Variants in SULF2 observed in about 807,000 individuals in gnomAD.
SULF2 encodes sulfatase 2.
In SULF2, 52 loss-of-function variants were observed where a neutral mutation model predicts 107.7. That is an observed-to-expected ratio of 0.48 (90% CI 0.39 to 0.61). SULF2 has a LOEUF of 0.61. Among genes scored for constraint, SULF2 ranks in the 20% least tolerant of loss-of-function variants. The pLI is 0.00. For missense variants in SULF2, 993 were observed against 1,177.3 expected, an observed-to-expected ratio of 0.84 and a Z score of 2.29; for synonymous variants, 460 against 464.3, an observed-to-expected ratio of 0.99 and a Z score of 0.12.
At chr20:47,705,321 G>A (rs945936345) in intron 3 of SULF2, among the ~76,000 whole-genome samples, 1 of 152,204 alleles carries the variant, frequency 6.6e-6, no homozygotes, top group Non-Finnish European at 1.5e-5. Context: ...AGAACCTGGC[G>A]TTCTGCAGAG....
At chr20:47,753,098 C>CAAAAAAAAA (rs10578438) in intron 2 of SULF2, among the ~76,000 whole-genome samples, 8 of 90,628 alleles carry the variant, frequency 8.8e-5, no homozygotes, top group Non-Finnish European at 1.3e-4. Flanking sequence ...GAGACTCTCT[C>CAAAAAAAAA]AAAAAAAAAA....
At chr20:47,700,781 G>A (rs2088539538) in intron 4 of SULF2, among the ~76,000 whole-genome samples, 1 of 151,986 alleles carries the variant, frequency 6.6e-6, no homozygotes, top group Non-Finnish European at 1.5e-5. Flanking sequence ...GAGTAACTGG[G>A]ATTACAGGCG....
intron 5 of SULF2, 41 bp downstream of exon 5, chr20:47,690,085 T>C (rs1178020299): frequency 7.3e-7 from 1 of 1,374,864 alleles, no homozygotes. Context: ...TCCCCCTTCA[T>C]GCTAAGCAGT....
intron 3 of SULF2, among the ~76,000 whole-genome samples, chr20:47,703,303 C>G (rs1412302973): frequency 2.0e-5 from 3 of 152,190 alleles, no homozygotes; most frequent in Non-Finnish European, 4.4e-5. Context: ...ATATTAAATA[C>G]TGGTGATTTC....
intron 1 of SULF2, among the ~76,000 whole-genome samples, chr20:47,780,255 G>A (rs1441951863): frequency 6.6e-6 from 1 of 152,110 alleles, no homozygotes; most frequent in African/African-American, 2.4e-5. Flanking sequence ...GACCTCCAGT[G>A]ATCTAACTGC....
At chr20:47,763,866 T>A (rs1207613253) in intron 1 of SULF2, among the ~76,000 whole-genome samples, 1 of 152,202 alleles carries the variant, frequency 6.6e-6, no homozygotes, top group Non-Finnish European at 1.5e-5. Flanking sequence ...AGGGCCTGCC[T>A]TCCTCCACTG....
intron 2 of SULF2, among the ~76,000 whole-genome samples, chr20:47,746,817 A>G (rs1254748374): frequency 1.3e-5 from 2 of 149,980 alleles, no homozygotes; most frequent in Admixed American, 1.3e-4. Flanking sequence ...GGGGAACATC[A>G]CACACTGGGG....
intron 1 of SULF2, among the ~76,000 whole-genome samples, chr20:47,765,187 T>TA (rs375531395): frequency 1.3e-4 from 20 of 151,280 alleles, no homozygotes; most frequent in Middle Eastern, 6.8e-3. Flanking sequence ...CCGTCTCTAC[T>TA]AAAAAAAATA....
chr20:47,705,993 T>G (rs2088724854), intron 3 of SULF2, among the ~76,000 whole-genome samples: 1 of 151,952 alleles, frequency 6.6e-6, no homozygotes, highest in African/African-American at 2.4e-5. Flanking sequence ...GAGATGAGGT[T>G]TCATCATGTT....
chr20:47,663,724 C>T, intron 15 of SULF2, 102 bp from the exon 16 acceptor site: 4 of 1,320,166 alleles, frequency 3.0e-6, no homozygotes, highest in Non-Finnish European at 3.1e-6. Flanking sequence ...GAGGCTTCTC[C>T]AACAGAGAGC....
intron 10 of SULF2, among the ~76,000 whole-genome samples, chr20:47,674,597 G>T (rs2087580297): frequency 6.6e-6 from 1 of 152,228 alleles, no homozygotes; most frequent in Non-Finnish European, 1.5e-5. Context: ...GCCGGGCCCT[G>T]CCCTTAGGAT....
intron 18 of SULF2, among the ~76,000 whole-genome samples, chr20:47,660,484 G>C (rs1045353584): frequency 6.6e-6 from 1 of 152,100 alleles, no homozygotes; most frequent in Non-Finnish European, 1.5e-5. Context: ...ATGAACTCTA[G>C]GCATCCTCCT....
chr20:47,687,434 C>T (rs2088046399), intron 5 of SULF2, among the ~76,000 whole-genome samples: 1 of 152,236 alleles, frequency 6.6e-6, no homozygotes, highest in African/African-American at 2.4e-5. Context: ...AAGACCATCC[C>T]CCTTCCCTTC....
Position 47,657,984 on chromosome 20 carries a change from T to C in SULF2, c.*378A>G, listed in dbSNP as rs184069015. The C allele has an allele frequency of 5.8e-4, 158 of 272,710 alleles. 1 individual carries two copies. Among genetic ancestry groups the C allele is most frequent in the Admixed American group, 5.0e-3 (104 of 21,004 alleles). 16.9% of individuals were successfully genotyped at this position (272,710 alleles called of 1,614,324 possible). A position where few individuals can be genotyped will look rare whatever the true frequency, so the allele number is the denominator to read the frequency against. Reference sequence around the variant, plus strand: ...ATTTAGAACAGGACTGCTTTTCCCCTATGATTTAAAAATTCCAATGACTTT... The same window carrying C: ...ATTTAGAACAGGACTGCTTTTCCCCCATGATTTAAAAATTCCAATGACTTT... On this transcript the variant is annotated 3_prime_UTR_variant, in exon 21 of 21. Coordinates refer to ENST00000688720, the MANE Select transcript of SULF2 (RefSeq NM_001387048.1).
intron 3 of SULF2, among the ~76,000 whole-genome samples, chr20:47,724,407 G>C (rs2089381266): frequency 6.6e-6 from 1 of 152,194 alleles, no homozygotes; most frequent in Non-Finnish European, 1.5e-5. Flanking sequence ...CTGGGCTGCG[G>C]GGGACACCAA....
rs1262406541 is a variant in SULF2 at position 47,661,871 on chromosome 20, TC to T, written c.2395del (p.Asp799ThrfsTer15). ...GTGTAGCTGGTTGAGGACATCCCTG[TC>T]CAGTGTGTTCACTGCATTCATCAGC... is the stretch of plus-strand genomic sequence containing the variant. ...YQLMNAVNTL[D>X]RDVLNQLHVQ... On this transcript the variant is annotated frameshift_variant, in exon 18 of 21. Coordinates refer to ENST00000688720, the MANE Select transcript of SULF2 (RefSeq NM_001387048.1). LOFTEE classifies it high-confidence loss of function. 6.3e-7 allele frequency: 1 copy of T among 1,584,964 alleles called. No homozygotes were observed. Among genetic ancestry groups the T allele is most frequent in the South Asian group, 1.1e-5 (1 of 87,340 alleles).
chr20:47,662,784 A>G (rs187026746), intron 17 of SULF2, among the ~76,000 whole-genome samples: 1 of 151,988 alleles, frequency 6.6e-6, no homozygotes, highest in Admixed American at 6.5e-5. Flanking sequence ...GAGTCTTCAC[A>G]AGTTCCGGCA....
chr20:47,703,500 G>T (rs905289373), intron 3 of SULF2, among the ~76,000 whole-genome samples: 2 of 152,204 alleles, frequency 1.3e-5, no homozygotes, highest in African/African-American at 4.8e-5. Flanking sequence ...TAACATTAAA[G>T]AAATGGGCAA....
chr20:47,781,366 T>C (rs2090831101), intron 1 of SULF2, among the ~76,000 whole-genome samples: 1 of 152,244 alleles, frequency 6.6e-6, no homozygotes, highest in Admixed American at 6.5e-5. Context: ...TGCTGTTTTA[T>C]TCCAGGCTTT....
Sources: gnomAD v4.1 joint callset for allele counts (sites outside exome capture counted in the v4.1 genomes callset) on GRCh38, gnomAD v4.1.1 for gene constraint, MANE v1.5 for transcripts, NCBI Gene and HGNC (gene_info 2026-07-23, HGNC 2026-07-21) for gene names.